Variants in SPRING1 observed in about 807,000 individuals in gnomAD.
SPRING1 encodes the protein SREBP regulating gene protein.
A neutral mutation model predicts 24.7 loss-of-function variants in SPRING1; 14 were observed. That is an observed-to-expected ratio of 0.57 (90% confidence interval 0.37 to 0.88). SPRING1 has a LOEUF of 0.88. SPRING1 is among the 40% of genes least tolerant of loss of function. SPRING1 has a pLI of 0.00. For missense variants in SPRING1, 255 were observed against 268.4 expected, an observed-to-expected ratio of 0.95 and a Z score of 0.35; for synonymous variants, 93 against 106.1, an observed-to-expected ratio of 0.88 and a Z score of 0.76.
chr12:116,724,818 T>G lies in SPRING1; in HGVS notation c.112-1595A>C, dbSNP rs577175220. ...GAGTAGCAGCTCTACAAACTGACTT[T>G]TGCACATTAGATTAATGTAGGGAGC... On this transcript the variant is annotated intron_variant, in intron 1 of 4. Coordinates refer to ENST00000261318, the MANE Select transcript of SPRING1 (RefSeq NM_024738.4). Among the ~76,000 whole-genome samples the G allele has an allele frequency of 2.5e-4, 38 of 152,358 alleles. No homozygotes were observed. In the South Asian group the frequency reaches 7.7e-3, roughly 31 times the overall value.
chr12:116,733,239 C>G (rs986720092), intron 1 of SPRING1, among the ~76,000 whole-genome samples: 13 of 151,712 alleles, frequency 8.6e-5, no homozygotes, highest in Non-Finnish European at 1.5e-4. Flanking sequence ...CTGGAGTGCA[C>G]TGGTGCGATC....
Position 116,724,714 on chromosome 12 carries a change from CAG to C in SPRING1, c.112-1493_112-1492del, listed in dbSNP as rs1341824104. Among the ~76,000 whole-genome samples the C allele has an allele frequency of 4.6e-5, 7 of 152,288 alleles. No individual in the cohort carries two copies. The South Asian group carries it at 1.5e-3, about 32-fold the overall frequency. On this transcript the variant is annotated intron_variant, in intron 1 of 4. Transcript: ENST00000261318. ...AACAAAACCCCTGAAACCCCAATAA[CAG>C]AGAAATGACTGAATGAACACTGGTA... is the stretch of plus-strand genomic sequence containing the variant.
In SPRING1 at chr12:116,714,570, GA is replaced by G. The variant is rs1472963769; in HGVS notation, c.*3239del. The G allele has an allele frequency of 1.3e-5, 2 of 152,358 alleles. No homozygotes were observed. Among genetic ancestry groups the G allele is most frequent in the Non-Finnish European group, 2.9e-5 (2 of 68,188 alleles). The allele number at this position is 152,358 out of a possible 1,614,324, so 9.4% of individuals were successfully genotyped here. ...GCACTTTCGGAGGCTCAGGCGGGCA[GA>G]TCATCTGAGGTCAGGAGTCCGTGAC... On this transcript the variant is annotated 3_prime_UTR_variant, in exon 5 of 5. Coordinates refer to ENST00000261318, the MANE Select transcript of SPRING1 (RefSeq NM_024738.4).
chr12:116,723,928 G>C (rs914537894), intron 1 of SPRING1, among the ~76,000 whole-genome samples: 9 of 152,030 alleles, frequency 5.9e-5, no homozygotes, highest in Non-Finnish European at 1.3e-4. Flanking sequence ...AGCTATGTCC[G>C]CTAGGAGCCA....
Position 116,723,136 on chromosome 12 carries a change from T to G in SPRING1, c.199A>C (p.Asn67His). ...CACTGATTGCTCGGACGACTGCTAT[T>G]GCCCAAGTTAAACTGCACTTTCCAC... ...IPWKVQFNLG[N>H]SSRPSNQCRN... Residue 67 changes from asparagine (N) to histidine (H), a missense_variant, in exon 2 of 5, where the codon AAT becomes CAT. Transcript: ENST00000261318. The G allele has an allele frequency of 6.2e-7, 1 of 1,613,450 alleles. No homozygotes were observed.
intron 1 of SPRING1, among the ~76,000 whole-genome samples, chr12:116,726,424 C>A (rs77706851): frequency 2.0e-5 from 3 of 152,122 alleles, no homozygotes; most frequent in East Asian, 3.9e-4. Flanking sequence ...CTTTAATTTA[C>A]CGTCTTTCAA....
intron 1 of SPRING1, among the ~76,000 whole-genome samples, chr12:116,726,460 C>T (rs1405572077): frequency 6.6e-6 from 1 of 152,098 alleles, no homozygotes; most frequent in African/African-American, 2.4e-5. Context: ...TATTCTGCTC[C>T]CTCCCTTTTG....
Position 116,717,688 on chromosome 12 carries a change from G to A in SPRING1, c.*122C>T. Reference sequence around the variant, plus strand: ...AACACGAGAAGGGGTCAAAGCCAAGGTTTCCTCACGCTGCCTTTGTCTTCT... The same window carrying A: ...AACACGAGAAGGGGTCAAAGCCAAGATTTCCTCACGCTGCCTTTGTCTTCT... On this transcript the variant is annotated 3_prime_UTR_variant, in exon 5 of 5. Coordinates refer to ENST00000261318, the MANE Select transcript of SPRING1 (RefSeq NM_024738.4). The surrounding 1 kb of genome is among the most constrained non-coding windows in gnomAD (Gnocchi z 4.2). 1 of 869,350 alleles carries A rather than the reference G, an allele frequency of 1.2e-6. No homozygotes were observed. The highest frequency in any genetic ancestry group is 1.7e-6 in the Non-Finnish European group (1 of 580,354). 53.9% of individuals were successfully genotyped at this position (869,350 alleles called of 1,614,324 possible).
Position 116,720,006 on chromosome 12 carries a change from G to C in SPRING1, c.421-130C>G. 1.2e-6 allele frequency: 1 copy of C among 844,520 alleles called. No homozygotes were observed. Among genetic ancestry groups the C allele is most frequent in the Non-Finnish European group, 1.9e-6 (1 of 528,630 alleles). The allele number at this position is 844,520 out of a possible 1,614,324, so 52.3% of individuals were successfully genotyped here. ...GAAGAGGAGGAGAAAAGGAGGGAGG[G>C]GAAAGGACACACGCGTGCACACACG... On this transcript the variant is annotated intron_variant, in intron 3 of 4. Coordinates refer to ENST00000261318, the MANE Select transcript of SPRING1 (RefSeq NM_024738.4). The surrounding 1 kb of genome is among the most constrained non-coding windows in gnomAD (Gnocchi z 4.0).
Position 116,723,077 on chromosome 12 carries a change from C to G in SPRING1, c.258G>C (p.Thr86=). 6.2e-7 allele frequency: 1 copy of G among 1,612,386 alleles called. No individual in the cohort carries two copies. Among genetic ancestry groups the G allele is most frequent in the Middle Eastern group, 2.2e-4 (1 of 4,550 alleles). ...GGAAGCCAGCCTCACCGAGTTCATC[C>G]GTGATGAGGTGCTTCCCTTGAATGG... is the stretch of plus-strand genomic sequence containing the variant. ...RNSIQGKHLI[T]DELGYVCERK... Residue 86 remains threonine, a synonymous_variant, in exon 2 of 5, where the codon ACG becomes ACC. Transcript: ENST00000261318.
chr12:116,731,078 T>C (rs1458863546), intron 1 of SPRING1, among the ~76,000 whole-genome samples: 1 of 152,266 alleles, frequency 6.6e-6, no homozygotes, highest in Non-Finnish European at 1.5e-5. Flanking sequence ...GAACGTACTG[T>C]TAGGCATATT....
Position 116,738,065 on chromosome 12 carries a change from G to A in SPRING1, c.-165C>T. The A allele has an allele frequency of 9.3e-7, 1 of 1,077,626 alleles. No individual in the cohort carries two copies. Among genetic ancestry groups the A allele is most frequent in the Non-Finnish European group, 1.1e-6 (1 of 891,284 alleles). The allele number at this position is 1,077,626 out of a possible 1,614,324, so 66.8% of individuals were successfully genotyped here. A position where few individuals can be genotyped will look rare whatever the true frequency, so the allele number is the denominator to read the frequency against. ...CCGGCAGCCTTGGGCGCAGCCCCAC[G>A]TGACCCCGCCCTACGCCCCGCCTCC... On this transcript the variant is annotated 5_prime_UTR_variant, in exon 1 of 5. It adds an upstream start codon to the 5' untranslated region. Coordinates refer to ENST00000261318, the MANE Select transcript of SPRING1 (RefSeq NM_024738.4).
chr12:116,719,687 C>T, intron 4 of SPRING1, 76 bp downstream of exon 4: 1 of 1,242,210 alleles, frequency 8.1e-7, no homozygotes, highest in Non-Finnish European at 1.2e-6. Context: ...CCAAAAGGAT[C>T]GACAGTGTGT....
At chr12:116,731,221 G>A (rs1870960183) in intron 1 of SPRING1, among the ~76,000 whole-genome samples, 1 of 152,194 alleles carries the variant, frequency 6.6e-6, no homozygotes, top group Admixed American at 6.5e-5. Context: ...TGAAGAATAC[G>A]ACAACTAGTA....
In SPRING1 at chr12:116,712,662, T is replaced by C. The variant is rs1869925032; in HGVS notation, c.*5148A>G. ...CAGAACCTGTAATGACAGGCTCACA[T>C]TTCTTCCTCAACTCCCACCTCCAAA... is the stretch of plus-strand genomic sequence containing the variant. On this transcript the variant is annotated 3_prime_UTR_variant, in exon 5 of 5. Coordinates refer to ENST00000261318, the MANE Select transcript of SPRING1 (RefSeq NM_024738.4). 6.6e-6 allele frequency: 1 copy of C among 152,194 alleles called. No homozygotes were observed. Among genetic ancestry groups the C allele is most frequent in the Non-Finnish European group, 1.5e-5 (1 of 68,044 alleles). 9.4% of individuals were successfully genotyped at this position (152,194 alleles called of 1,614,324 possible).
At chr12:116,723,297 A>C in intron 1 of SPRING1, 74 bp from the exon 2 acceptor site, 1 of 1,546,944 alleles carries the variant, frequency 6.5e-7, no homozygotes, top group South Asian at 1.2e-5. Context: ...TTTTCACAGA[A>C]ACTACAGTAA....
intron 2 of SPRING1, among the ~76,000 whole-genome samples, chr12:116,721,308 G>C (rs1870424048): frequency 6.6e-6 from 1 of 152,156 alleles, no homozygotes; most frequent in Admixed American, 6.5e-5. Flanking sequence ...GTGCACACAT[G>C]AGCTCCCAGG....
In SPRING1 at chr12:116,718,013, T is replaced by A. The variant is rs1049484646; in HGVS notation, c.535-120A>T. On this transcript the variant is annotated intron_variant, in intron 4 of 4. Coordinates refer to ENST00000261318, the MANE Select transcript of SPRING1 (RefSeq NM_024738.4). ...CTCTCCCTGCAGGGGGCTGGCCGAGTCCATCTCCAAATGTCACTAAAGGCT... is the reference window on the plus strand; with the variant it reads ...CTCTCCCTGCAGGGGGCTGGCCGAGACCATCTCCAAATGTCACTAAAGGCT... 22 of 772,136 alleles carry A rather than the reference T, an allele frequency of 2.8e-5. 1 individual carries two copies. The South Asian group carries it at 4.7e-4, about 17-fold the overall frequency. 47.8% of individuals were successfully genotyped at this position (772,136 alleles called of 1,614,324 possible).
At chr12:116,719,492 A>C (rs1870313588) in intron 4 of SPRING1, among the ~76,000 whole-genome samples, 1 of 152,216 alleles carries the variant, frequency 6.6e-6, no homozygotes, top group Non-Finnish European at 1.5e-5. Context: ...AAATAATTTT[A>C]AGCTTCCACT....
Sources: gnomAD v4.1 joint callset for allele counts (sites outside exome capture counted in the v4.1 genomes callset) on GRCh38, gnomAD v4.1.1 for gene constraint, Gnocchi (gnomAD v3.1) non-coding constraint, MANE v1.5 for transcripts, NCBI Gene and HGNC (gene_info 2026-07-23, HGNC 2026-07-21) for gene names.